The following RALYL variants were observed in gnomAD, a reference collection of about 807,000 sequenced individuals.
RALYL encodes RALY RNA binding protein like, also known as RNA-binding Raly-like protein.
In RALYL, 29 loss-of-function variants were observed where a neutral mutation model predicts 35.1. The observed-to-expected ratio is 0.83, with a 90% confidence interval of 0.61 to 1.13. RALYL has a LOEUF of 1.13. RALYL is among the 50% of genes most tolerant of loss of function. RALYL has a pLI of 0.00. For synonymous variants in RALYL, 120 were observed against 127.6 expected (o/e 0.94, Z 0.40); for missense variants, 359 against 360.4 (o/e 1.00, Z 0.03).
chr8:84,253,175 A>AT (rs1195738891), intron 1 of RALYL, among the ~76,000 whole-genome samples: 41 of 93,898 alleles, frequency 4.4e-4, no homozygotes, highest in South Asian at 6.6e-4. Flanking sequence ...GTAGTTCTGC[A>AT]GTTTTTTTTT....
intron 2 of RALYL, among the ~76,000 whole-genome samples, chr8:84,594,064 C>T (rs1813913854): frequency 6.6e-6 from 1 of 151,974 alleles, no homozygotes; most frequent in Non-Finnish European, 1.5e-5. Flanking sequence ...TCCTACTGAT[C>T]TCAACATTTT....
At chr8:84,748,644 T>A (rs1809221655) in intron 2 of RALYL, among the ~76,000 whole-genome samples, 1 of 152,106 alleles carries the variant, frequency 6.6e-6, no homozygotes, top group African/African-American at 2.4e-5. Context: ...ATGATTCACT[T>A]TAAATAGATT....
chr8:84,619,795 A>C (rs920651917), intron 2 of RALYL, among the ~76,000 whole-genome samples: 12 of 150,548 alleles, frequency 8.0e-5, no homozygotes, highest in Admixed American at 3.3e-4. Flanking sequence ...CCTGATGGTG[A>C]CAAAATCTCT....
intron 1 of RALYL, among the ~76,000 whole-genome samples, chr8:84,371,370 T>C (rs1855643819): frequency 6.6e-6 from 1 of 151,912 alleles, no homozygotes; most frequent in African/African-American, 2.4e-5. Context: ...TCTCACTCTT[T>C]CTCCGTCACA....
At chr8:84,341,624 A>G (rs1848809761) in intron 1 of RALYL, among the ~76,000 whole-genome samples, 1 of 152,078 alleles carries the variant, frequency 6.6e-6, no homozygotes, top group Non-Finnish European at 1.5e-5. Context: ...TATATAAATA[A>G]GTTAATTCAG....
intron 2 of RALYL, among the ~76,000 whole-genome samples, chr8:84,704,818 A>G (rs1029159044): frequency 6.6e-6 from 1 of 152,206 alleles, no homozygotes; most frequent in Admixed American, 6.5e-5. Context: ...AAGTAAAAAA[A>G]AATCCTTTAC....
intron 1 of RALYL, among the ~76,000 whole-genome samples, chr8:84,514,630 A>G (rs1250106759): frequency 6.6e-6 from 1 of 152,212 alleles, no homozygotes; most frequent in African/African-American, 2.4e-5. Flanking sequence ...CTGCCTCATG[A>G]ATCACCTCCT....
At chr8:84,748,042 C>G (rs1004860571) in intron 2 of RALYL, among the ~76,000 whole-genome samples, 2 of 151,890 alleles carry the variant, frequency 1.3e-5, no homozygotes, top group African/African-American at 2.4e-5. Flanking sequence ...CAAGTGTCAT[C>G]TTAATACTTT....
chr8:84,679,279 T>G, intron 2 of RALYL: 1 of 223,462 alleles, frequency 4.5e-6, no homozygotes, highest in Non-Finnish European at 9.1e-6. Context: ...ATTACCATGA[T>G]GCCAGTGGAG....
chr8:84,796,497 G>T (rs1399430543), intron 3 of RALYL, among the ~76,000 whole-genome samples: 1 of 152,126 alleles, frequency 6.6e-6, no homozygotes, highest in Non-Finnish European at 1.5e-5. Context: ...TAAGAATACT[G>T]ATAGGATTAT....
intron 1 of RALYL, among the ~76,000 whole-genome samples, chr8:84,260,858 T>G (rs1832129362): frequency 6.6e-6 from 1 of 152,186 alleles, no homozygotes; most frequent in Non-Finnish European, 1.5e-5. Context: ...AAACACCAAA[T>G]TTCTTGGAGT....
chr8:84,911,704 G>C (rs6993455), intron 8 of RALYL, among the ~76,000 whole-genome samples: 7,371 of 152,122 alleles, frequency 0.048, 633 homozygotes, highest in African/African-American at 0.17. Flanking sequence ...ACCAGTGCAA[G>C]TCCCAGCTTT....
At chr8:84,677,906 C>G (rs1834540258) in intron 2 of RALYL, among the ~76,000 whole-genome samples, 1 of 152,136 alleles carries the variant, frequency 6.6e-6, no homozygotes. Flanking sequence ...AACTTATGTA[C>G]ATCACAAGTG....
chr8:84,262,570 A>G (rs904986931), intron 1 of RALYL, among the ~76,000 whole-genome samples: 16 of 152,158 alleles, frequency 1.1e-4, no homozygotes, highest in African/African-American at 3.9e-4. Context: ...AATTTAACAA[A>G]TTGTCCTATC....
chr8:84,687,171 T>A (rs1275504541), intron 2 of RALYL, among the ~76,000 whole-genome samples: 2 of 152,202 alleles, frequency 1.3e-5, no homozygotes, highest in African/African-American at 4.8e-5. Context: ...AGGTTTAACC[T>A]ATTCTATTTC....
chr8:84,652,214 A>G (rs933405181), intron 2 of RALYL, among the ~76,000 whole-genome samples: 5 of 152,098 alleles, frequency 3.3e-5, no homozygotes, highest in Non-Finnish European at 5.9e-5. Context: ...TTGTTATCAA[A>G]CTTAGCATTT....
chr8:84,845,033 G>A (rs1426818810), intron 4 of RALYL, among the ~76,000 whole-genome samples: 1 of 152,056 alleles, frequency 6.6e-6, no homozygotes, highest in Non-Finnish European at 1.5e-5. Context: ...ACGAGTTAAT[G>A]GGTGCAGCAC....
At chr8:84,779,374 A>G (rs1054991311) in intron 3 of RALYL, among the ~76,000 whole-genome samples, 1 of 152,254 alleles carries the variant, frequency 6.6e-6, no homozygotes, top group Non-Finnish European at 1.5e-5. Context: ...ACTATTTATA[A>G]GAGATGAACA....
intron 1 of RALYL, among the ~76,000 whole-genome samples, chr8:84,217,640 G>T (rs1382941479): frequency 6.6e-6 from 1 of 151,984 alleles, no homozygotes. Flanking sequence ...AAGGCTTGTG[G>T]GACATGGTCC....
Sources: gnomAD v4.1 joint callset for allele counts (sites outside exome capture counted in the v4.1 genomes callset) on GRCh38, gnomAD v4.1.1 for gene constraint, MANE v1.5 for transcripts, NCBI Gene and HGNC (gene_info 2026-07-23, HGNC 2026-07-21) for gene names.